CNNM3: variants seen among roughly 807,000 people sequenced by gnomAD.
CNNM3 encodes the protein cyclin and CBS domain divalent metal cation transport mediator 3.
CNNM3 carries 47 observed loss-of-function variants against 57.1 expected under a neutral mutation model. The observed-to-expected ratio is 0.82, with a 90% CI of 0.65 to 1.05. CNNM3 has a LOEUF of 1.05. Ranked by LOEUF, CNNM3 falls within the 50% of genes least tolerant of loss-of-function variation. The probability of loss-of-function intolerance (pLI) is 0.00; values close to 1 mark genes in which losing one functional copy is unlikely to be tolerated. For missense variants in CNNM3, 957 were observed against 973.7 expected (o/e 0.98, Z 0.23); for synonymous variants, 507 against 478.2 (o/e 1.06, Z -0.79).
At position 96,817,333 on chromosome 2, in the gene CNNM3, C is replaced by G; in HGVS notation, c.1056C>G (p.Tyr352Ter). 1.2e-6 allele frequency: 2 copies of G among 1,614,138 alleles called. No homozygotes were observed. The highest frequency in any genetic ancestry group is 1.7e-6 in the Non-Finnish European group (2 of 1,180,040). The change falls in exon 1 of 8, where the codon TAC becomes TAG. Residue 352 changes from tyrosine to a stop codon, truncating the protein, a stop_gained. Coordinates refer to ENST00000305510, the MANE Select transcript of CNNM3 (RefSeq NM_017623.5). LOFTEE classifies it high-confidence loss of function. ...GCGGCCACACGCGCATCCCGGTGTA[C>G]GAGGAGGAGCGCTCCAACATCGTGG... is the stretch of plus-strand genomic sequence containing the variant. ...MQSGHTRIPV[Y>*]EEERSNIVDM...
At chr2:96,827,971 G>A (rs1559013080) in intron 4 of CNNM3, 71 bp downstream of exon 4, 7 of 1,583,170 alleles carry the variant, frequency 4.4e-6, no homozygotes, top group Non-Finnish European at 5.2e-6. Context: ...GAGAAGAGGG[G>A]AGCAGGGGCA....
chr2:96,827,635 TG>T, intron 3 of CNNM3, 95 bp from the exon 4 acceptor site: 1 of 1,294,790 alleles, frequency 7.7e-7, no homozygotes, highest in South Asian at 1.4e-5. Flanking sequence ...AGATCCCTGG[TG>T]GGCACAATAA....
rs561391039 is a variant in CNNM3 at position 96,817,651 on chromosome 2, C to G, written c.1225+149C>G. 7 of 736,384 alleles carry G rather than the reference C, an allele frequency of 9.5e-6. No homozygotes were observed. The East Asian group carries it at 1.5e-4, about 16-fold the overall frequency. 45.6% of individuals were successfully genotyped at this position (736,384 alleles called of 1,614,324 possible). On this transcript the variant is annotated intron_variant, in intron 1 of 7. Transcript: ENST00000305510. ...GGTCCCTTTTCAAGACGGTATTGGC[C>G]TTGCAGCTTGGAATGACCTTTTGAA...
At chr2:96,829,996 A>G (rs2079574129) in intron 7 of CNNM3, among the ~76,000 whole-genome samples, 4 of 152,178 alleles carry the variant, frequency 2.6e-5, no homozygotes, top group South Asian at 2.1e-4. Flanking sequence ...GTTGGAAGAA[A>G]TTTTGCAAAT....
In CNNM3 at chr2:96,816,504, G is replaced by T; in HGVS notation, c.227G>T (p.Trp76Leu). ...LFGPGFANSS[W>L]SWVAPEGAGC... ...GGCCCGGGCTTCGCCAACAGCTCTT[G>T]GTCCTGGGTGGCCCCGGAGGGGGCG... The change falls in exon 1 of 8, where the codon TGG becomes TTG. Residue 76 changes from tryptophan to leucine, a missense_variant. Trp to Leu is a moderately conservative substitution (Grantham distance 61). This residue lies in a region of CNNM3 where 466 missense variants were observed against 403.1 expected (regional missense o/e 1.16). Transcript: ENST00000305510. The T allele has an allele frequency of 7.0e-7, 1 of 1,423,582 alleles. No individual in the cohort carries two copies. The highest frequency in any genetic ancestry group is 9.2e-7 in the Non-Finnish European group (1 of 1,086,692). The allele number at this position is 1,423,582 out of a possible 1,614,324, so 88.2% of individuals were successfully genotyped here.
chr2:96,825,084 A>G lies in CNNM3; in HGVS notation c.1252A>G (p.Lys418Glu). The G allele has an allele frequency of 6.2e-7, 1 of 1,613,462 alleles. No homozygotes were observed. Among genetic ancestry groups the G allele is most frequent in the East Asian group, 2.2e-5 (1 of 44,870 alleles). The change falls in exon 2 of 8, where the codon AAG becomes GAG. Residue 418 changes from lysine (K) to glutamate (E), a missense_variant. This residue lies in a region of CNNM3 where 491 missense variants were observed against 570.6 expected (regional missense o/e 0.86). Coordinates refer to ENST00000305510, the MANE Select transcript of CNNM3 (RefSeq NM_017623.5). The part of the protein sequence containing the change: ...RGKSHLAIVQ[K>E]VNNEGEGDPF... ...GAAGTCCCACCTGGCCATCGTGCAGAAGGTGAACAACGAGGGTGAAGGCGA... is the reference window on the plus strand; with the variant it reads ...GAAGTCCCACCTGGCCATCGTGCAGGAGGTGAACAACGAGGGTGAAGGCGA...
In CNNM3 at chr2:96,816,276, C is replaced by G. The variant is rs1423452704; in HGVS notation, c.-2C>G. 1.5e-6 allele frequency: 2 copies of G among 1,310,028 alleles called. No individual in the cohort carries two copies. Among genetic ancestry groups the G allele is most frequent in the East Asian group, 3.0e-5 (1 of 33,696 alleles). The allele number at this position is 1,310,028 out of a possible 1,614,324, so 81.2% of individuals were successfully genotyped here. On this transcript the variant is annotated 5_prime_UTR_variant, in exon 1 of 8. Coordinates refer to ENST00000305510, the MANE Select transcript of CNNM3 (RefSeq NM_017623.5). Reference sequence around the variant, plus strand: ...CGAGAGGCCGAGAGGGGGCAGCAGGCGATGGCGGCGGCGGTAGCTGCGGCG... The same window carrying G: ...CGAGAGGCCGAGAGGGGGCAGCAGGGGATGGCGGCGGCGGTAGCTGCGGCG...
At chr2:96,824,902 C>A in intron 1 of CNNM3, 156 bp from the exon 2 acceptor site, 1 of 774,520 alleles carries the variant, frequency 1.3e-6, no homozygotes, top group Non-Finnish European at 2.1e-6. Flanking sequence ...CGCTGGGAGT[C>A]TTAAGTAAAA....
chr2:96,826,791 C>T lies in CNNM3; in HGVS notation c.1370-42C>T, dbSNP rs761068974. ...CCCTTAGTGTGGTCGTGTTGACTGA[C>T]AGGTGGCTGATGCCTGAGCGCGCCC... On this transcript the variant is annotated intron_variant, in intron 2 of 7. Coordinates refer to ENST00000305510, the MANE Select transcript of CNNM3 (RefSeq NM_017623.5). The T allele has an allele frequency of 2.5e-6, 4 of 1,610,328 alleles. No individual in the cohort carries two copies. In the East Asian group the frequency reaches 8.9e-5, roughly 36 times the overall value.
chr2:96,817,801 C>G (rs1480036239), intron 1 of CNNM3, among the ~76,000 whole-genome samples: 2 of 151,994 alleles, frequency 1.3e-5, no homozygotes, highest in East Asian at 1.9e-4. Flanking sequence ...CCTCTAATCC[C>G]CCAGCTCTTT....
intron 7 of CNNM3, among the ~76,000 whole-genome samples, chr2:96,830,515 T>TGTG (rs2079584084): frequency 6.6e-6 from 1 of 152,196 alleles, no homozygotes; most frequent in South Asian, 2.1e-4. Flanking sequence ...CTTTCTGAAT[T>TGTG]GTGAGGTCAC....
intron 3 of CNNM3, among the ~76,000 whole-genome samples, chr2:96,827,305 T>G (rs573905622): frequency 6.1e-4 from 93 of 151,538 alleles, no homozygotes; most frequent in South Asian, 3.6e-3. Flanking sequence ...TCTCGCTCTG[T>G]CACCCAGGCT....
chr2:96,836,239 ATTTTT>A (rs761750199), downstream of CNNM3, among the ~76,000 whole-genome samples: 1 of 126,562 alleles, frequency 7.9e-6, no homozygotes, highest in Non-Finnish European at 1.6e-5. Context: ...CACCCAGCTA[ATTTTT>A]TTTTTTTTTT....
chr2:96,816,361 G>A lies in CNNM3; in HGVS notation c.84G>A (p.Ala28=). Residue 28 remains alanine, a synonymous_variant, in exon 1 of 8, where the codon GCG becomes GCA. Coordinates refer to ENST00000305510, the MANE Select transcript of CNNM3 (RefSeq NM_017623.5). ...LCLGNAAGEA[A]PGPRVLGFCL... ...TGGGCAACGCCGCGGGGGAGGCCGC[G>A]CCGGGCCCGCGAGTGCTGGGCTTCT... The A allele has an allele frequency of 7.7e-7, 1 of 1,302,434 alleles. No homozygotes were observed. The highest frequency in any genetic ancestry group is 9.8e-7 in the Non-Finnish European group (1 of 1,024,052). The allele number at this position is 1,302,434 out of a possible 1,614,324, so 80.7% of individuals were successfully genotyped here.
At chr2:96,824,720 C>G in intron 1 of CNNM3, 1 of 264,180 alleles carries the variant, frequency 3.8e-6, no homozygotes, top group Admixed American at 4.9e-5. Flanking sequence ...CATTTGTGTT[C>G]TCCACTGGAG....
chr2:96,828,820 C>T, intron 6 of CNNM3, 120 bp downstream of exon 6: 2 of 1,485,498 alleles, frequency 1.3e-6, no homozygotes, highest in Non-Finnish European at 1.8e-6. Flanking sequence ...GGGACACAGA[C>T]CTTTGCACCC....
Position 96,817,447 on chromosome 2 carries a change from C to G in CNNM3, c.1170C>G (p.Leu390=). ...STITRFYNHP[L]HFVFNDTKLD... is the part of the protein sequence containing the mutation. ...TCACTCGTTTCTACAACCATCCGCT[C>G]CACTTCGTCTTCAACGACACCAAGC... is the stretch of plus-strand genomic sequence containing the variant. The change falls in exon 1 of 8, where the codon CTC becomes CTG. Residue 390 remains leucine (L), a synonymous_variant. Transcript: ENST00000305510. 1 of 1,614,058 alleles carries G rather than the reference C, an allele frequency of 6.2e-7. No homozygotes were observed. Among genetic ancestry groups the G allele is most frequent in the African/African-American group, 1.3e-5 (1 of 75,048 alleles).
intron 3 of CNNM3, among the ~76,000 whole-genome samples, chr2:96,827,230 C>T (rs533250880): frequency 6.6e-6 from 1 of 151,362 alleles, no homozygotes; most frequent in South Asian, 2.1e-4. Flanking sequence ...GGCCTCAGCT[C>T]TCAGCTGGGC....
At position 96,832,358 on chromosome 2, in the gene CNNM3, G is replaced by A. The variant is rs182138801; in HGVS notation, c.2060-194G>A. ...AGAAATCCACAGCCCCAGCTTCCCC[G>A]TCTCCCAGGGAAGGCATCTGTTGGC... is the stretch of plus-strand genomic sequence containing the variant. On this transcript the variant is annotated intron_variant, in intron 7 of 7. Transcript: ENST00000305510. 224 of 985,144 alleles carry A rather than the reference G, an allele frequency of 2.3e-4. 3 individuals are homozygous for A. The East Asian group carries it at 0.018, about 79-fold the overall frequency. The allele number at this position is 985,144 out of a possible 1,614,324, so 61.0% of individuals were successfully genotyped here. A position where few individuals can be genotyped will look rare whatever the true frequency, so the allele number is the denominator to read the frequency against.
Sources: allele counts gnomAD v4.1 joint callset (sites outside exome capture counted in the v4.1 genomes callset), GRCh38; gene constraint gnomAD v4.1.1; regional missense constraint gnomAD v4.1.1; transcripts MANE v1.5; gene names NCBI Gene and HGNC (gene_info 2026-07-23, HGNC 2026-07-21).